TNPO1: variants seen among roughly 807,000 people sequenced by gnomAD.
TNPO1 encodes transportin-1.
TNPO1 carries 8 observed loss-of-function variants against 119.5 expected under a neutral mutation model. The ratio of observed to expected loss-of-function variants is 0.07; its 90% CI spans 0.04 to 0.12. TNPO1 has a LOEUF of 0.12. Ranked by LOEUF, TNPO1 falls within the 10% of genes least tolerant of loss-of-function variation. The pLI is 1.00. For synonymous variants in TNPO1, 362 were observed against 363.0 expected, an observed-to-expected ratio of 1.00 and a Z score of 0.03; for missense variants, 576 against 1,089.8, an observed-to-expected ratio of 0.53 and a Z score of 6.64.
At chr5:72,908,531 TAGG>T (rs1250344031) in intron 24 of TNPO1, among the ~76,000 whole-genome samples, 175 bp from the exon 25 acceptor site, 3 of 152,150 alleles carry the variant, frequency 2.0e-5, no homozygotes, top group African/African-American at 7.2e-5. Context: ...TTCAGTGCCA[TAGG>T]AGAAGGAAGC....
chr5:72,824,646 T>A (rs185293170), intron 1 of TNPO1, among the ~76,000 whole-genome samples: 1 of 152,356 alleles, frequency 6.6e-6, no homozygotes. Flanking sequence ...TCCTTTTCCT[T>A]TATTTTCACT....
At chr5:72,858,383 G>A (rs1320676603) in intron 4 of TNPO1, among the ~76,000 whole-genome samples, 2 of 152,080 alleles carry the variant, frequency 1.3e-5, no homozygotes, top group African/African-American at 4.8e-5. Flanking sequence ...ACAGCTATGA[G>A]CTTGAAATAA....
chr5:72,816,771 C>T lies in TNPO1; in HGVS notation c.15+19C>T. 6.3e-7 allele frequency: 1 copy of T among 1,581,914 alleles called. No homozygotes were observed. The highest frequency in any genetic ancestry group is 1.2e-5 in the South Asian group (1 of 86,136). On this transcript the variant is annotated intron_variant, in intron 1 of 24. Transcript: ENST00000337273. The stretch of plus-strand genomic sequence containing the variant: ...GGACCGGGTAGGTGGCGTGAGGGTG[C>T]GCGGCCCCGAACTGCAGGGGCGGGA...
At chr5:72,857,720 C>A (rs1349533680) in intron 4 of TNPO1, among the ~76,000 whole-genome samples, 3 of 152,190 alleles carry the variant, frequency 2.0e-5, no homozygotes, top group Non-Finnish European at 2.9e-5. Flanking sequence ...GAGATTGTTT[C>A]TTCCTAAACT....
intron 1 of TNPO1, among the ~76,000 whole-genome samples, chr5:72,836,191 T>TGTAG (rs1744685478): frequency 6.6e-6 from 1 of 152,190 alleles, no homozygotes; most frequent in Non-Finnish European, 1.5e-5. Flanking sequence ...GGCTCTCTGC[T>TGTAG]GTATCCCCGC....
chr5:72,879,897 A>G (rs561215263), intron 9 of TNPO1, among the ~76,000 whole-genome samples: 40 of 152,288 alleles, frequency 2.6e-4, no homozygotes, highest in African/African-American at 9.6e-4. Context: ...TTTAGAAAGC[A>G]CCATTGTAGG....
At chr5:72,822,750 G>A (rs1215663386) in intron 1 of TNPO1, among the ~76,000 whole-genome samples, 2 of 151,658 alleles carry the variant, frequency 1.3e-5, no homozygotes, top group Non-Finnish European at 2.9e-5. Flanking sequence ...ACATCGCCAT[G>A]CCCAGCTGAT....
At chr5:72,882,596 C>A in intron 10 of TNPO1, 69 bp downstream of exon 10, 1 of 1,107,930 alleles carries the variant, frequency 9.0e-7, no homozygotes, top group Non-Finnish European at 1.3e-6. Flanking sequence ...TTGGATTTGG[C>A]CAATAAAACA....
chr5:72,833,790 C>G (rs940072563), intron 1 of TNPO1, among the ~76,000 whole-genome samples: 15 of 152,090 alleles, frequency 9.9e-5, no homozygotes, highest in Admixed American at 8.5e-4. Context: ...CTCATTAATC[C>G]TGGTTGAGCC....
At chr5:72,880,238 T>C (rs1317303152) in intron 9 of TNPO1, among the ~76,000 whole-genome samples, 1 of 152,174 alleles carries the variant, frequency 6.6e-6, no homozygotes, top group South Asian at 2.1e-4. Context: ...TTAAGTTCTA[T>C]TATCATTCTG....
chr5:72,873,341 A>C (rs1252274399), intron 7 of TNPO1, among the ~76,000 whole-genome samples: 1 of 152,138 alleles, frequency 6.6e-6, no homozygotes, highest in Non-Finnish European at 1.5e-5. Context: ...CTTCACTTTT[A>C]TTTTCATGAA....
At chr5:72,883,898 A>G (rs1032015800) in intron 11 of TNPO1, among the ~76,000 whole-genome samples, 2 of 151,554 alleles carry the variant, frequency 1.3e-5, no homozygotes, top group Non-Finnish European at 2.9e-5. Flanking sequence ...GTGCTCACCA[A>G]TACACCTGGA....
chr5:72,863,216 G>A (rs919723077), intron 5 of TNPO1, among the ~76,000 whole-genome samples: 8 of 152,022 alleles, frequency 5.3e-5, no homozygotes, highest in African/African-American at 1.9e-4. Flanking sequence ...ACTCTGTAAA[G>A]CATCGACTCC....
At chr5:72,817,248 A>G (rs1034330870) in intron 1 of TNPO1, among the ~76,000 whole-genome samples, 32 of 152,242 alleles carry the variant, frequency 2.1e-4, no homozygotes, top group African/African-American at 7.7e-4. Context: ...CATCGTCCTT[A>G]CATGCAGCTT....
At chr5:72,848,057 C>A (rs555890488) in intron 1 of TNPO1, 28 of 1,058,350 alleles carry the variant, frequency 2.6e-5, no homozygotes, top group Non-Finnish European at 2.9e-5. Context: ...GAGAAAACTG[C>A]GTGGCACTAG....
At chr5:72,906,353 G>A (rs567017856) in intron 24 of TNPO1, among the ~76,000 whole-genome samples, 32 of 125,540 alleles carry the variant, frequency 2.5e-4, no homozygotes, top group Non-Finnish European at 4.3e-4. Flanking sequence ...GTGCAGTGGC[G>A]CAATCTGAGT....
intron 12 of TNPO1, 82 bp from the exon 13 acceptor site, chr5:72,887,996 T>A: frequency 7.7e-7 from 1 of 1,296,486 alleles, no homozygotes. Context: ...AATTTTTTCA[T>A]AGATACGTGT....
At chr5:72,879,022 T>C in intron 9 of TNPO1, 1 of 404,108 alleles carries the variant, frequency 2.5e-6, no homozygotes, top group Admixed American at 3.3e-5. Flanking sequence ...CTCTGTGTTG[T>C]TCTTTGTTTT....
chr5:72,816,950 C>A, intron 1 of TNPO1, 198 bp downstream of exon 1: 1 of 575,496 alleles, frequency 1.7e-6, no homozygotes, highest in Non-Finnish European at 2.9e-6. Context: ...CCCTGCGGGA[C>A]CCGGGTAGGG....
Sources: gnomAD v4.1 joint callset for allele counts (sites outside exome capture counted in the v4.1 genomes callset) on GRCh38, gnomAD v4.1.1 for gene constraint, MANE v1.5 for transcripts, NCBI Gene and HGNC (gene_info 2026-07-23, HGNC 2026-07-21) for gene names.